The following HS2ST1 variants were observed in gnomAD, a reference collection of about 807,000 sequenced individuals.
HS2ST1 encodes the protein 2-O-sulfotransferase.
In HS2ST1, 18 loss-of-function variants were observed where a neutral mutation model predicts 42.9. That is an observed-to-expected ratio of 0.42 (90% CI 0.29 to 0.62). The LOEUF (loss-of-function observed/expected upper bound fraction) is 0.62. Among genes scored for constraint, HS2ST1 ranks in the 20% least tolerant of loss-of-function variants. The pLI is 0.21. For missense variants in HS2ST1, 334 were observed against 433.8 expected (o/e 0.77, Z 2.04); for synonymous variants, 146 against 152.9 (o/e 0.95, Z 0.33).
chr1:87,096,322 T>G (rs1342304427), intron 4 of HS2ST1, among the ~76,000 whole-genome samples: 1 of 152,180 alleles, frequency 6.6e-6, no homozygotes, highest in Non-Finnish European at 1.5e-5. Context: ...CAAGCATAAT[T>G]TTGAAACATC....
intron 1 of HS2ST1, among the ~76,000 whole-genome samples, chr1:86,938,863 A>C (rs901425201): frequency 7.9e-5 from 12 of 152,222 alleles, no homozygotes; most frequent in Admixed American, 7.9e-4. Context: ...TATACATTCA[A>C]ACTGCTATTA....
At chr1:87,016,938 CATATG>C (rs1472563382) in intron 1 of HS2ST1, among the ~76,000 whole-genome samples, 15 of 151,654 alleles carry the variant, frequency 9.9e-5, no homozygotes, top group Non-Finnish European at 1.8e-4. Context: ...TTGGTTGTTA[CATATG>C]ATATGTTATC....
At chr1:87,091,249 CAAGG>C (rs970475562) in intron 3 of HS2ST1, among the ~76,000 whole-genome samples, 13 of 151,720 alleles carry the variant, frequency 8.6e-5, no homozygotes, top group African/African-American at 3.1e-4. Context: ...GAGCGGCACT[CAAGG>C]AAGACAGAAT....
chr1:87,027,950 G>T (rs568539329), intron 1 of HS2ST1, among the ~76,000 whole-genome samples: 1 of 152,118 alleles, frequency 6.6e-6, no homozygotes, highest in African/African-American at 2.4e-5. Flanking sequence ...TCGGCCTCCC[G>T]AAGTGCTGGG....
At chr1:86,953,712 T>C (rs1043387457) in intron 1 of HS2ST1, among the ~76,000 whole-genome samples, 1 of 151,968 alleles carries the variant, frequency 6.6e-6, no homozygotes, top group Non-Finnish European at 1.5e-5. Context: ...TGAGCTGAGA[T>C]TGCACCACTG....
chr1:87,064,646 G>T, intron 1 of HS2ST1: 1 of 414,970 alleles, frequency 2.4e-6, no homozygotes. Context: ...ATTGTGCTCA[G>T]GGAGACTGAT....
At position 87,104,820 on chromosome 1, in the gene HS2ST1, G is replaced by A. The variant is rs1194747596; in HGVS notation, c.*124G>A. The A allele has an allele frequency of 3.3e-6, 2 of 613,166 alleles. No homozygotes were observed. Among genetic ancestry groups the A allele is most frequent in the Non-Finnish European group, 5.8e-6 (2 of 346,980 alleles). 38.0% of individuals were successfully genotyped at this position (613,166 alleles called of 1,614,324 possible). The stretch of plus-strand genomic sequence containing the variant: ...TGACAATTTGTATTGAGCCAAATTA[G>A]GAAACAGACAGTAACGTCAAGGAAG... On this transcript the variant is annotated 3_prime_UTR_variant, in exon 7 of 7. Coordinates refer to ENST00000370550, the MANE Select transcript of HS2ST1 (RefSeq NM_012262.4).
At chr1:86,991,290 C>G (rs192534237) in intron 1 of HS2ST1, among the ~76,000 whole-genome samples, 1 of 152,126 alleles carries the variant, frequency 6.6e-6, no homozygotes, top group East Asian at 1.9e-4. Flanking sequence ...ATCTGGTAGC[C>G]CCCCTGAACA....
intron 1 of HS2ST1, among the ~76,000 whole-genome samples, chr1:86,950,160 C>T (rs574640920): frequency 2.6e-5 from 4 of 152,312 alleles, no homozygotes; most frequent in East Asian, 3.9e-4. Context: ...GACAAACTGA[C>T]GTTACGTATT....
At chr1:86,916,789 T>G (rs1660168379) in intron 1 of HS2ST1, among the ~76,000 whole-genome samples, 1 of 151,922 alleles carries the variant, frequency 6.6e-6, no homozygotes, top group African/African-American at 2.4e-5. Flanking sequence ...AAGTGGAAAG[T>G]TATATTAAAA....
chr1:87,064,602 A>G (rs1651200505), intron 1 of HS2ST1: 1 of 493,448 alleles, frequency 2.0e-6, no homozygotes, highest in Admixed American at 2.1e-5. Flanking sequence ...TCTACCTTGC[A>G]TATAGAAATT....
intron 1 of HS2ST1, among the ~76,000 whole-genome samples, chr1:86,979,436 T>C (rs1475606710): frequency 1.3e-5 from 2 of 152,208 alleles, no homozygotes; most frequent in African/African-American, 2.4e-5. Flanking sequence ...AGATATCTCA[T>C]GTAAATAGTC....
At chr1:86,965,182 T>C (rs140330615) in intron 1 of HS2ST1, among the ~76,000 whole-genome samples, 1 of 152,284 alleles carries the variant, frequency 6.6e-6, no homozygotes, top group Non-Finnish European at 1.5e-5. Context: ...ATGAGCACAA[T>C]TGAGTGGCAT....
intron 5 of HS2ST1, among the ~76,000 whole-genome samples, chr1:87,099,181 A>G (rs1652142219): frequency 6.6e-6 from 1 of 152,182 alleles, no homozygotes; most frequent in South Asian, 2.1e-4. Flanking sequence ...GAGTTGAGTA[A>G]TTGTAACCTA....
At position 87,084,279 on chromosome 1, in the gene HS2ST1, A is replaced by G; in HGVS notation, c.449A>G (p.Lys150Arg). The G allele has an allele frequency of 6.4e-7, 1 of 1,563,522 alleles. No individual in the cohort carries two copies. The highest frequency in any genetic ancestry group is 8.8e-7 in the Non-Finnish European group (1 of 1,138,362). The change falls in exon 3 of 7, where the codon AAA becomes AGA. Residue 150 changes from lysine (K) to arginine (R), a missense_variant and splice_region_variant. Physicochemically the swap from Lys to Arg is conservative, Grantham distance 26. Coordinates refer to ENST00000370550, the MANE Select transcript of HS2ST1 (RefSeq NM_012262.4). ...HGHVSYLDFA[K>R]FGVKKKPIYI... ...CACGTTTCTTACTTGGATTTTGCAA[A>G]GTAAGTTACACTGAAATGACACGCT...
chr1:86,980,982 GAA>G (rs1477962214), intron 1 of HS2ST1, among the ~76,000 whole-genome samples: 2 of 152,146 alleles, frequency 1.3e-5, no homozygotes, highest in Non-Finnish European at 2.9e-5. Context: ...ATTTATAAAA[GAA>G]AGAGGTTTAA....
At chr1:87,013,230 G>C (rs371725967) in intron 1 of HS2ST1, among the ~76,000 whole-genome samples, 6 of 152,336 alleles carry the variant, frequency 3.9e-5, no homozygotes, top group Admixed American at 6.5e-5. Context: ...CCCCACGACT[G>C]TAGCACACCT....
intron 1 of HS2ST1, among the ~76,000 whole-genome samples, chr1:86,955,440 T>A (rs1647649807): frequency 6.6e-6 from 1 of 152,102 alleles, no homozygotes; most frequent in Admixed American, 6.5e-5. Context: ...GAACAGTTTT[T>A]ATCCCGAAAC....
chr1:86,938,761 A>G (rs1171187000), intron 1 of HS2ST1, among the ~76,000 whole-genome samples: 3 of 152,202 alleles, frequency 2.0e-5, no homozygotes, highest in Non-Finnish European at 4.4e-5. Context: ...AGGAGTTTCA[A>G]ATAATAATGT....
Sources: allele counts gnomAD v4.1 joint callset (sites outside exome capture counted in the v4.1 genomes callset), GRCh38; gene constraint gnomAD v4.1.1; transcripts MANE v1.5; gene names NCBI Gene and HGNC (gene_info 2026-07-23, HGNC 2026-07-21).